The following KIAA0586 variants were observed in gnomAD, a reference collection of about 807,000 sequenced individuals.
KIAA0586 encodes KIAA0586, also known as protein TALPID3.
A neutral mutation model predicts 169.8 loss-of-function variants in KIAA0586; 144 were observed. The observed-to-expected ratio is 0.85, with a 90% CI of 0.74 to 0.97. KIAA0586 has a LOEUF of 0.97. KIAA0586 is among the 50% of genes least tolerant of loss of function. The pLI is 0.00. For synonymous variants in KIAA0586, 625 were observed against 612.4 expected (o/e 1.02, Z -0.30); for missense variants, 1,854 against 1,823.0 (o/e 1.02, Z -0.31).
intron 3 of KIAA0586, among the ~76,000 whole-genome samples, chr14:58,431,686 T>C (rs2037387521): frequency 6.6e-6 from 1 of 152,248 alleles, no homozygotes; most frequent in South Asian, 2.1e-4. Flanking sequence ...ACGATATTGA[T>C]TTTTCTAATT....
At chr14:58,433,732 G>A (rs532482714) in intron 4 of KIAA0586, among the ~76,000 whole-genome samples, 6 of 152,292 alleles carry the variant, frequency 3.9e-5, no homozygotes, top group African/African-American at 1.4e-4. Flanking sequence ...AAAGCTGAAG[G>A]AAGCTGGGCA....
downstream of KIAA0586, among the ~76,000 whole-genome samples, chr14:58,553,061 C>G (rs1464045141): frequency 1.3e-5 from 2 of 152,080 alleles, no homozygotes; most frequent in Non-Finnish European, 1.5e-5. Flanking sequence ...GTCACATTCC[C>G]CAATAGTCGG....
chr14:58,484,888 A>ATTTATATATATATATTTATATATATTTT lies in KIAA0586; in HGVS notation c.3145-2104_3145-2103insTTATATATATTTTTTTATATATATATAT, dbSNP rs1555391459. On this transcript the variant is annotated intron_variant, in intron 21 of 30. Coordinates refer to ENST00000652326, the MANE Select transcript of KIAA0586 (RefSeq NM_001329943.3). ...CAAATTTTATATATATTATATATAT[A>ATTTATATATATATATTTATATATATTTT]TTTATATATATATATATATATATAT... Among the ~76,000 whole-genome samples, 6 of 18,488 alleles carry ATTTATATATATATATTTATATATATTTT rather than the reference A, an allele frequency of 3.2e-4. 1 individual carries two copies. Among genetic ancestry groups the ATTTATATATATATATTTATATATATTTT allele is most frequent in the African/African-American group, 6.8e-4 (3 of 4,428 alleles). 12.1% of individuals were successfully genotyped at this position (18,488 alleles called of 152,430 possible).
At chr14:58,552,147 G>T (rs1000744163), downstream of KIAA0586, among the ~76,000 whole-genome samples, 1 of 152,152 alleles carries the variant, frequency 6.6e-6, no homozygotes, top group Admixed American at 6.5e-5. Flanking sequence ...TTAAACATCA[G>T]TTGCACAGTA....
At chr14:58,507,349 CAT>C (rs901604882) in intron 27 of KIAA0586, among the ~76,000 whole-genome samples, 2 of 138,022 alleles carry the variant, frequency 1.4e-5, no homozygotes, top group Admixed American at 7.3e-5. Flanking sequence ...TATATAATAT[CAT>C]ATATAATATA....
chr14:58,478,854 A>G (rs1748995), intron 20 of KIAA0586, among the ~76,000 whole-genome samples: 150,117 of 152,312 alleles, frequency 0.99, 74,012 homozygotes, highest in East Asian at 1. Context: ...GCCCGTTGTT[A>G]GCTGGCTTCT....
chr14:58,459,536 A>C (rs899688214), intron 12 of KIAA0586, among the ~76,000 whole-genome samples: 1 of 152,138 alleles, frequency 6.6e-6, no homozygotes, highest in Non-Finnish European at 1.5e-5. Context: ...AGCAAAATTC[A>C]TATGGTTCAA....
chr14:58,544,570 G>A (rs1006840455), intron 30 of KIAA0586, among the ~76,000 whole-genome samples: 1 of 152,170 alleles, frequency 6.6e-6, no homozygotes, highest in Non-Finnish European at 1.5e-5. Flanking sequence ...TCTGACTGGT[G>A]TGAGATGGTA....
chr14:58,428,928 C>T (rs1031617285), intron 1 of KIAA0586, among the ~76,000 whole-genome samples: 1 of 152,106 alleles, frequency 6.6e-6, no homozygotes, highest in Non-Finnish European at 1.5e-5. Flanking sequence ...TATGCTTTAC[C>T]CACTTCGCTG....
At chr14:58,429,555 A>G (rs2037187354) in intron 2 of KIAA0586, 122 bp downstream of exon 2, 2 of 693,482 alleles carry the variant, frequency 2.9e-6, no homozygotes, top group Non-Finnish European at 2.6e-6. Context: ...ACTTACCAAA[A>G]CAAATGTTTT....
intron 2 of KIAA0586, among the ~76,000 whole-genome samples, 185 bp downstream of exon 2, chr14:58,429,618 T>A (rs557917335): frequency 1.3e-5 from 2 of 152,298 alleles, no homozygotes; most frequent in South Asian, 4.1e-4. Context: ...ACAAAAGGCC[T>A]TCCCTAGAAT....
At chr14:58,441,127 C>T (rs1190960279) in intron 4 of KIAA0586, 3 of 214,782 alleles carry the variant, frequency 1.4e-5, no homozygotes, top group Non-Finnish European at 3.0e-5. Flanking sequence ...AATTATACCT[C>T]AGTAAAGTGG....
rs757276737 is a variant in KIAA0586, at chr14:58,470,583, CAGAA to C, written c.2443-27_2443-24del. 6.8e-6 allele frequency: 9 copies of C among 1,316,142 alleles called. No individual in the cohort carries two copies. In the Middle Eastern group the frequency reaches 9.1e-4, roughly 133 times the overall value. 81.5% of individuals were successfully genotyped at this position (1,316,142 alleles called of 1,614,324 possible). A position where few individuals can be genotyped will look rare whatever the true frequency, so the allele number is the denominator to read the frequency against. ...AAAATATTTGAGTAAAAATGATAAACAGAAAGCTGAATGTTGTATTCTGTTTTAG... is the reference window on the plus strand; with the variant it reads ...AAAATATTTGAGTAAAAATGATAAACAGCTGAATGTTGTATTCTGTTTTAG... On this transcript the variant is annotated intron_variant, in intron 16 of 30. Coordinates refer to ENST00000652326, the MANE Select transcript of KIAA0586 (RefSeq NM_001329943.3).
intron 28 of KIAA0586, among the ~76,000 whole-genome samples, chr14:58,509,091 C>T (rs937996273): frequency 1.3e-5 from 2 of 151,980 alleles, no homozygotes; most frequent in African/African-American, 4.8e-5. Context: ...TAGCTCGGCT[C>T]CTGTAGTTCC....
intron 14 of KIAA0586, among the ~76,000 whole-genome samples, chr14:58,464,311 AGTTTATAAAG>A (rs906672461): frequency 6.9e-4 from 3 of 4,354 alleles, no homozygotes; most frequent in African/African-American, 7.5e-4. Context: ...CTATATAGTT[AGTTTATAAAG>A]GTTTATCCCC....
Position 58,508,678 on chromosome 14 carries a change from A to C in KIAA0586, c.4292A>C (p.Asn1431Thr). ...TLLTAQENDV[N>T]LPVAAEDFSQ... ...CTGACAGCACAAGAAAATGATGTTA[A>C]TTTACCAGTAGCCGCTGAAGATTTT... The change falls in exon 28 of 31, where the codon AAT becomes ACT. Residue 1431 changes from asparagine to threonine, a missense_variant. Transcript: ENST00000652326. 1 of 1,591,948 alleles carries C rather than the reference A, an allele frequency of 6.3e-7. No homozygotes were observed. The highest frequency in any genetic ancestry group is 8.6e-7 in the Non-Finnish European group (1 of 1,168,476).
chr14:58,446,893 T>C (rs1443901625), intron 6 of KIAA0586, among the ~76,000 whole-genome samples: 2 of 152,154 alleles, frequency 1.3e-5, no homozygotes, highest in Non-Finnish European at 2.9e-5. Context: ...CCTCAATTTC[T>C]TTACCTAGAA....
intron 25 of KIAA0586, among the ~76,000 whole-genome samples, chr14:58,490,801 A>G (rs1566890439): frequency 6.6e-6 from 1 of 152,134 alleles, no homozygotes; most frequent in East Asian, 1.9e-4. Flanking sequence ...CCGTTAAGGA[A>G]TAGAAATCTT....
intron 29 of KIAA0586, chr14:58,537,137 C>T: frequency 1.8e-6 from 2 of 1,102,398 alleles, no homozygotes; most frequent in Non-Finnish European, 2.2e-6. Context: ...CTCACCCTTC[C>T]AGTAAACCTC....
Sources: allele counts gnomAD v4.1 joint callset (sites outside exome capture counted in the v4.1 genomes callset), GRCh38; gene constraint gnomAD v4.1.1; transcripts MANE v1.5; gene names NCBI Gene and HGNC (gene_info 2026-07-23, HGNC 2026-07-21).